Variants in ZNF808 observed in about 807,000 individuals in gnomAD.
ZNF808 encodes the protein zinc finger protein 808.
A neutral mutation model predicts 8.7 loss-of-function variants in ZNF808; 5 were observed. The observed-to-expected ratio is 0.58, with a 90% CI of 0.30 to 1.21. The LOEUF is 1.21. Ranked by LOEUF, ZNF808 falls within the 50% of genes most tolerant of loss-of-function variation. ZNF808 has a pLI of 0.07. For missense variants in ZNF808, 1,103 were observed against 1,098.4 expected (o/e 1.00, Z -0.06); for synonymous variants, 380 against 366.0 (o/e 1.04, Z -0.44).
At chr19:52,544,958 G>A (rs1041012497) in intron 3 of ZNF808, among the ~76,000 whole-genome samples, 23 of 152,100 alleles carry the variant, frequency 1.5e-4, no homozygotes, top group African/African-American at 5.6e-4. Flanking sequence ...TAATTATTTT[G>A]TATTTTTAGT....
chr19:52,551,213 G>A (rs552038397), intron 4 of ZNF808, among the ~76,000 whole-genome samples: 5 of 152,210 alleles, frequency 3.3e-5, no homozygotes, highest in South Asian at 2.1e-4. Flanking sequence ...TTAGCTGGGC[G>A]TTTTGGTATG....
chr19:52,541,867 C>G (rs1426499219), intron 2 of ZNF808, among the ~76,000 whole-genome samples: 1 of 152,106 alleles, frequency 6.6e-6, no homozygotes, highest in Non-Finnish European at 1.5e-5. Context: ...AAACAGGCAT[C>G]CCCACCTTCA....
chr19:52,532,102 A>C (rs2059566578), intron 1 of ZNF808, among the ~76,000 whole-genome samples: 1 of 152,160 alleles, frequency 6.6e-6, no homozygotes, highest in Non-Finnish European at 1.5e-5. Context: ...TTAAGATTTC[A>C]CATATGGCTT....
rs753276705 is a variant in ZNF808, at chr19:52,553,854, A to C, written c.938A>C (p.Lys313Thr). The change falls in exon 5 of 5, where the codon AAA (lysine) becomes ACA (threonine). Residue 313 changes from lysine (K) to threonine (T), a missense_variant. Lys to Thr is a moderately conservative substitution (Grantham distance 78). Coordinates refer to ENST00000359798, the MANE Select transcript of ZNF808 (RefSeq NM_001039886.4). Reference protein sequence around the residue: ...TCHHRLHTGVKPYKCNECGKV... With the variant: ...TCHHRLHTGVTPYKCNECGKV... ...CATCATAGACTTCATACTGGAGTAA[A>C]ACCTTACAAGTGTAATGAGTGTGGC... 6.2e-7 allele frequency: 1 copy of C among 1,614,052 alleles called. No homozygotes were observed. Among genetic ancestry groups the C allele is most frequent in the Non-Finnish European group, 8.5e-7 (1 of 1,180,044 alleles).
intron 3 of ZNF808, among the ~76,000 whole-genome samples, chr19:52,545,827 G>A (rs1045921835): frequency 1.3e-5 from 2 of 152,016 alleles, no homozygotes; most frequent in Non-Finnish European, 2.9e-5. Flanking sequence ...ATGTATGCCT[G>A]TGTGTGTCCA....
At chr19:52,550,565 G>A (rs1049915688) in intron 4 of ZNF808, among the ~76,000 whole-genome samples, 3 of 150,666 alleles carry the variant, frequency 2.0e-5, no homozygotes, top group African/African-American at 7.3e-5. Flanking sequence ...CCCTCTTGTT[G>A]CCCAGGCTGG....
In ZNF808 at chr19:52,553,623, G is replaced by T; in HGVS notation, c.707G>T (p.Ser236Ile). The change falls in exon 5 of 5, where the codon AGT (serine) becomes ATT (isoleucine). Residue 236 changes from serine (S) to isoleucine (I), a missense_variant. Transcript: ENST00000359798. Reference sequence around the variant, plus strand: ...GAAAAATCTTTCCCATGTAATGAGAGTGGCAAAGCCTTTAATTGTAGCTCA... The same window carrying T: ...GAAAAATCTTTCCCATGTAATGAGATTGGCAAAGCCTTTAATTGTAGCTCA... ...MREKSFPCNE[S>I]GKAFNCSSLL... 4 of 1,614,206 alleles carry T rather than the reference G, an allele frequency of 2.5e-6. No homozygotes were observed. The highest frequency in any genetic ancestry group is 3.4e-6 in the Non-Finnish European group (4 of 1,180,032).
At chr19:52,559,474 T>C (rs574181864), downstream of ZNF808, among the ~76,000 whole-genome samples, 1 of 152,298 alleles carries the variant, frequency 6.6e-6, no homozygotes, top group South Asian at 2.1e-4. Flanking sequence ...GTAGAGATAA[T>C]GATCAATAAA....
chr19:52,548,314 T>C (rs553910268), intron 4 of ZNF808, among the ~76,000 whole-genome samples: 3 of 152,338 alleles, frequency 2.0e-5, no homozygotes, highest in East Asian at 3.9e-4. Context: ...GTAAGAGATA[T>C]GGTTTTCATC....
At chr19:52,541,242 G>A (rs1054609496) in intron 2 of ZNF808, among the ~76,000 whole-genome samples, 21 of 150,320 alleles carry the variant, frequency 1.4e-4, no homozygotes, top group Non-Finnish European at 1.6e-4. Context: ...GATCCACCCC[G>A]CCTGGCCTTT....
chr19:52,548,723 C>G (rs1435959330), intron 4 of ZNF808, among the ~76,000 whole-genome samples: 1 of 152,190 alleles, frequency 6.6e-6, no homozygotes, highest in Non-Finnish European at 1.5e-5. Flanking sequence ...CAGCCCCTGG[C>G]CCATCCGAGT....
At chr19:52,538,668 C>G (rs2617794) in intron 2 of ZNF808, among the ~76,000 whole-genome samples, 13 of 139,308 alleles carry the variant, frequency 9.3e-5, no homozygotes, top group East Asian at 2.3e-4. Flanking sequence ...AGGAGAGGGG[C>G]ATAAAATGAG....
intron 3 of ZNF808, among the ~76,000 whole-genome samples, chr19:52,561,907 T>C (rs1264684663): frequency 1.3e-5 from 2 of 152,224 alleles, no homozygotes; most frequent in Non-Finnish European, 2.9e-5. Context: ...GCAGGTTTTA[T>C]GCTACAGGCT....
downstream of ZNF808, among the ~76,000 whole-genome samples, chr19:52,561,158 T>TTCTTTCTCTC (rs1320869032): frequency 3.8e-5 from 2 of 52,706 alleles, no homozygotes; most frequent in African/African-American, 2.4e-4. Flanking sequence ...CTTCTATCTG[T>TTCTTTCTCTC]TCTCTCTCTC....
intron 3 of ZNF808, chr19:52,563,282 ATATTT>A (rs2059863584): frequency 6.6e-6 from 1 of 152,128 alleles, no homozygotes; most frequent in African/African-American, 2.4e-5. Context: ...ATGGGTTACA[ATATTT>A]TATTAATTAA....
chr19:52,553,448 A>G lies in ZNF808; in HGVS notation c.532A>G (p.Asn178Asp), dbSNP rs754027045. 3.1e-6 allele frequency: 5 copies of G among 1,614,172 alleles called. No individual in the cohort carries two copies. The highest frequency in any genetic ancestry group is 3.4e-6 in the Non-Finnish European group (4 of 1,180,020). ...ATTTCAGATCAAAGGTGAAATTGCT[A>G]ATCAACTTGAGAAGTCTACCAGTGA... ...HIFQIKGEIA[N>D]QLEKSTSDAS... Residue 178 changes from asparagine (N) to aspartate (D), a missense_variant, in exon 5 of 5, where the codon AAT (asparagine) becomes GAT (aspartate). Asn to Asp is a conservative substitution (Grantham distance 23). Coordinates refer to ENST00000359798, the MANE Select transcript of ZNF808 (RefSeq NM_001039886.4).
At chr19:52,564,726 G>A (rs1450733680), downstream of ZNF808, among the ~76,000 whole-genome samples, 2 of 152,164 alleles carry the variant, frequency 1.3e-5, no homozygotes, top group East Asian at 3.9e-4. Flanking sequence ...GGCCAAGGCA[G>A]GTGAATCACC....
chr19:52,529,293 G>A (rs1461420701), intron 1 of ZNF808, among the ~76,000 whole-genome samples: 1 of 152,050 alleles, frequency 6.6e-6, no homozygotes, highest in African/African-American at 2.4e-5. Flanking sequence ...GAGGTAGGAG[G>A]ATGACTTGAG....
intron 3 of ZNF808, among the ~76,000 whole-genome samples, chr19:52,544,165 A>G (rs887003021): frequency 6.6e-6 from 1 of 152,122 alleles, no homozygotes; most frequent in Non-Finnish European, 1.5e-5. Flanking sequence ...TCTCAAAAGA[A>G]AAAAGAGAGA....
Sources: allele counts gnomAD v4.1 joint callset (sites outside exome capture counted in the v4.1 genomes callset), GRCh38; gene constraint gnomAD v4.1.1; transcripts MANE v1.5; gene names NCBI Gene and HGNC (gene_info 2026-07-23, HGNC 2026-07-21).